The following SHROOM4 variants were observed in gnomAD, a reference collection of about 807,000 sequenced individuals.
SHROOM4 encodes protein Shroom4.
SHROOM4 carries 17 observed loss-of-function variants against 80.3 expected under a neutral mutation model. The observed-to-expected ratio is 0.21, with a 90% CI of 0.14 to 0.32. SHROOM4 has a LOEUF of 0.32. Ranked by LOEUF, SHROOM4 falls within the 10% of genes least tolerant of loss-of-function variation. The pLI is 1.00. For synonymous variants in SHROOM4, 400 were observed against 437.5 expected (o/e 0.91, Z 1.07); for missense variants, 993 against 1,140.3 (o/e 0.87, Z 1.86).
At chrX:50,759,245 A>G (rs1935099101) in intron 1 of SHROOM4, among the ~76,000 whole-genome samples, 1 of 111,919 alleles carries the variant, frequency 8.9e-6, no homozygotes, top group African/African-American at 3.2e-5. Flanking sequence ...ACAGAAAATT[A>G]CGACACATAT....
downstream of SHROOM4, among the ~76,000 whole-genome samples, chrX:50,582,918 A>G (rs1928691820): frequency 2.7e-5 from 3 of 110,797 alleles, no homozygotes; most frequent in South Asian, 1.2e-3. Context: ...ATATTTAACT[A>G]TTTGGAAGTT....
At chrX:50,721,456 T>C (rs571799378) in intron 1 of SHROOM4, among the ~76,000 whole-genome samples, 4 of 112,238 alleles carry the variant, frequency 3.6e-5, no homozygotes, top group African/African-American at 9.7e-5. Context: ...GATGTTGCCA[T>C]GGCATTTGTA....
chrX:50,703,739 C>T (rs1933580188), intron 1 of SHROOM4, among the ~76,000 whole-genome samples: 1 of 111,951 alleles, frequency 8.9e-6, no homozygotes. Flanking sequence ...TGTAAGTTTC[C>T]TGAGGCCTCC....
chrX:50,777,780 T>A (rs1557270267), intron 1 of SHROOM4, among the ~76,000 whole-genome samples: 2 of 112,472 alleles, frequency 1.8e-5, no homozygotes, highest in African/African-American at 6.5e-5. Flanking sequence ...GTTCGCTTTT[T>A]CTCATAAATG....
At position 50,592,252 on chromosome X, in the gene SHROOM4, T is replaced by C; in HGVS notation, c.*4443A>G. ...TACTTCCCATGCTGTAATATGTTCA[T>C]GAATCTCCTGGAAATCTAGTTAAAA... On this transcript the variant is annotated 3_prime_UTR_variant, in exon 9 of 9. Coordinates refer to ENST00000376020, the MANE Select transcript of SHROOM4 (RefSeq NM_020717.5). 1 of 312,287 alleles carries C rather than the reference T, an allele frequency of 3.2e-6. No homozygotes were observed. The highest frequency in any genetic ancestry group is 6.3e-6 in the Non-Finnish European group (1 of 159,748). 25.7% of individuals were successfully genotyped at this position (312,287 alleles called of 1,213,427 possible).
chrX:50,784,605 C>T (rs1935699614), intron 1 of SHROOM4, among the ~76,000 whole-genome samples: 2 of 112,197 alleles, frequency 1.8e-5, no homozygotes, highest in African/African-American at 3.2e-5. Flanking sequence ...ACAAAACATA[C>T]ATTAACCCAA....
At chrX:50,705,859 T>C (rs1259888822) in intron 1 of SHROOM4, among the ~76,000 whole-genome samples, 1 of 110,603 alleles carries the variant, frequency 9.0e-6, no homozygotes, top group Non-Finnish European at 1.9e-5. Context: ...CATCTGGTAC[T>C]AACATTCATT....
At chrX:50,672,004 G>A in intron 2 of SHROOM4, among the ~76,000 whole-genome samples, 1 of 112,125 alleles carries the variant, frequency 8.9e-6, no homozygotes, top group Non-Finnish European at 1.9e-5. Context: ...TAATTTCAAT[G>A]TTGTGTCTCA....
chrX:50,794,276 C>T (rs1362061397), intron 1 of SHROOM4, among the ~76,000 whole-genome samples: 1 of 111,033 alleles, frequency 9.0e-6, no homozygotes, highest in Non-Finnish European at 1.9e-5. Context: ...TAAATTGGTA[C>T]ACATTGAATT....
At chrX:50,695,726 T>C (rs1315590123) in intron 2 of SHROOM4, 60 bp downstream of exon 2, 2 of 1,151,844 alleles carry the variant, frequency 1.7e-6, no homozygotes, top group African/African-American at 3.6e-5. Flanking sequence ...CTATTGAGCT[T>C]TATTACCAAC....
Position 50,596,655 on chromosome X carries a change from C to T in SHROOM4, c.*40G>A. On this transcript the variant is annotated 3_prime_UTR_variant, in exon 9 of 9. Coordinates refer to ENST00000376020, the MANE Select transcript of SHROOM4 (RefSeq NM_020717.5). ...CAAAGAAGATTGAAAGCACTTCCCA[C>T]ATGGCTGGGCAGGGATGCTGTGGCA... 1 of 1,203,764 alleles carries T rather than the reference C, an allele frequency of 8.3e-7. No individual in the cohort carries two copies.
intron 1 of SHROOM4, among the ~76,000 whole-genome samples, chrX:50,806,561 T>A (rs1936231886): frequency 8.9e-6 from 1 of 112,426 alleles, no homozygotes. Flanking sequence ...AAATAGTAAC[T>A]CAACTTATTC....
rs184769136 is a variant in SHROOM4, at chrX:50,591,603, C to T, written c.*5092G>A. The T allele has an allele frequency of 1.3e-4, 35 of 278,098 alleles. No homozygotes were observed. The East Asian group carries it at 1.8e-3, about 14-fold the overall frequency. The allele number at this position is 278,098 out of a possible 1,213,427, so 22.9% of individuals were successfully genotyped here. A position where few individuals can be genotyped will look rare whatever the true frequency, so the allele number is the denominator to read the frequency against. Reference sequence around the variant, plus strand: ...TTTATAGTTTTCAGTGTAAAAGTTTCGCACTTCTTTTGTTAAATTATTCCT... The same window carrying T: ...TTTATAGTTTTCAGTGTAAAAGTTTTGCACTTCTTTTGTTAAATTATTCCT... On this transcript the variant is annotated 3_prime_UTR_variant, in exon 9 of 9. Transcript: ENST00000376020.
intron 1 of SHROOM4, among the ~76,000 whole-genome samples, chrX:50,808,463 T>C (rs782164467): frequency 8.9e-6 from 1 of 111,792 alleles, no homozygotes; most frequent in African/African-American, 3.3e-5. Context: ...TCTTTGATTC[T>C]AGGTCTCTAC....
intron 1 of SHROOM4, among the ~76,000 whole-genome samples, chrX:50,787,569 G>A (rs1436120675): frequency 1.8e-5 from 2 of 111,265 alleles, no homozygotes; most frequent in Non-Finnish European, 3.8e-5. Flanking sequence ...AGGCTCAATA[G>A]ATGGCAAATA....
intron 1 of SHROOM4, among the ~76,000 whole-genome samples, chrX:50,743,899 T>C (rs1383481496): frequency 8.9e-6 from 1 of 112,212 alleles, no homozygotes; most frequent in Admixed American, 9.5e-5. Flanking sequence ...TTGGTTGATT[T>C]TTTTTCTTTA....
intron 1 of SHROOM4, among the ~76,000 whole-genome samples, chrX:50,723,535 T>C (rs1340172430): frequency 9.0e-6 from 1 of 111,174 alleles, no homozygotes; most frequent in Non-Finnish European, 1.9e-5. Flanking sequence ...TAAATGCTTT[T>C]GGTTCATTCT....
chrX:50,771,663 T>C lies in SHROOM4; in HGVS notation c.117+42239A>G, dbSNP rs186592995. Among the ~76,000 whole-genome samples the C allele has an allele frequency of 2.9e-3, 330 of 112,480 alleles. 2 individuals carry two copies. The highest frequency in any genetic ancestry group is 5.2e-3 in the Non-Finnish European group (279 of 53,304). ...CAGCATCCTCCCATTCATTATGCCA[T>C]TTAATAAAGATTAATCCATTATGTG... On this transcript the variant is annotated intron_variant, in intron 1 of 8. Transcript: ENST00000376020.
At chrX:50,603,745 A>T (rs1300891548) in intron 6 of SHROOM4, among the ~76,000 whole-genome samples, 1 of 112,097 alleles carries the variant, frequency 8.9e-6, no homozygotes, top group Non-Finnish European at 1.9e-5. Context: ...CAGGAAAAAA[A>T]GTAGTTCTGG....
Sources: allele counts gnomAD v4.1 joint callset (sites outside exome capture counted in the v4.1 genomes callset), GRCh38; gene constraint gnomAD v4.1.1; transcripts MANE v1.5; gene names NCBI Gene and HGNC (gene_info 2026-07-23, HGNC 2026-07-21).